HOOK1: variants seen among roughly 807,000 people sequenced by gnomAD.
The protein encoded by HOOK1 is protein Hook homolog 1.
A neutral mutation model predicts 112.8 loss-of-function variants in HOOK1; 60 were observed. The ratio of observed to expected loss-of-function variants is 0.53; its 90% confidence interval spans 0.43 to 0.66. The LOEUF (loss-of-function observed/expected upper bound fraction) is 0.66. Ranked by LOEUF, HOOK1 falls within the 30% of genes least tolerant of loss-of-function variation. The pLI, the probability that HOOK1 is intolerant of heterozygous loss-of-function variation, is 0.00. For synonymous variants in HOOK1, 294 were observed against 283.8 expected (o/e 1.04, Z -0.36); for missense variants, 770 against 856.0 (o/e 0.90, Z 1.25).
chr1:59,868,225 A>G, intron 19 of HOOK1, 25 bp from the exon 20 acceptor site: 3 of 1,183,732 alleles, frequency 2.5e-6, no homozygotes, highest in African/African-American at 1.5e-5. Context: ...TATAAAGTGA[A>G]CATAGTATTT....
chr1:59,830,956 A>AG (rs1162685072), intron 3 of HOOK1, among the ~76,000 whole-genome samples: 1 of 150,822 alleles, frequency 6.6e-6, no homozygotes, highest in East Asian at 2.0e-4. Flanking sequence ...CCTGGAGTGA[A>AG]GTGGTGCAAT....
intron 8 of HOOK1, among the ~76,000 whole-genome samples, chr1:59,841,482 G>A (rs980958620): frequency 1.3e-5 from 2 of 152,122 alleles, no homozygotes; most frequent in African/African-American, 4.8e-5. Context: ...CTAGAATTCA[G>A]GTCTTCTAAC....
At chr1:59,854,303 A>C (rs1295066558) in intron 12 of HOOK1, among the ~76,000 whole-genome samples, 1 of 149,674 alleles carries the variant, frequency 6.7e-6, no homozygotes, top group African/African-American at 2.5e-5. Flanking sequence ...ACCTGCCTCG[A>C]CCTCCCAAAG....
chr1:59,848,250 GC>G (rs1252364583), intron 10 of HOOK1, 64 bp from the exon 11 acceptor site: 2 of 1,102,520 alleles, frequency 1.8e-6, no homozygotes, highest in Non-Finnish European at 2.6e-6. Context: ...TCATTTTATA[GC>G]CAGAGTAAAA....
At chr1:59,834,776 C>T (rs941694491) in intron 5 of HOOK1, among the ~76,000 whole-genome samples, 8 of 151,722 alleles carry the variant, frequency 5.3e-5, no homozygotes, top group African/African-American at 9.7e-5. Flanking sequence ...TTGTAAGTTT[C>T]GTTAGTCTTT....
At chr1:59,823,279 C>T (rs1269201806) in intron 2 of HOOK1, among the ~76,000 whole-genome samples, 2 of 152,162 alleles carry the variant, frequency 1.3e-5, no homozygotes, top group African/African-American at 4.8e-5. Flanking sequence ...GAGATCCTGC[C>T]ACTGCACTCC....
At position 59,815,027 on chromosome 1, in the gene HOOK1, G is replaced by A; in HGVS notation, c.-91G>A. The A allele has an allele frequency of 1.5e-6, 2 of 1,327,500 alleles. No individual in the cohort carries two copies. 82.2% of individuals were successfully genotyped at this position (1,327,500 alleles called of 1,614,324 possible). ...GGGCCTGGTACCGAGCTTTCCTGGG[G>A]GCTAGCAGGTCGTGGACGCCGGCTC... On this transcript the variant is annotated 5_prime_UTR_variant, in exon 1 of 22. Transcript: ENST00000371208.
At position 59,815,141 on chromosome 1, in the gene HOOK1, G is replaced by A. The variant is rs1037111754; in HGVS notation, c.24G>A (p.Pro8=). The change falls in exon 1 of 22, where the codon CCG becomes CCA. Residue 8 remains proline, a synonymous_variant. Transcript: ENST00000371208. MEETQPP[P]QPKLPLCDSL... ...CCATGGAGGAGACGCAGCCGCCGCC[G>A]CAGCCTAAGCTGCCCCTGTGCGACA... 2 of 1,542,868 alleles carry A rather than the reference G, an allele frequency of 1.3e-6. No individual in the cohort carries two copies. Among genetic ancestry groups the A allele is most frequent in the Non-Finnish European group, 8.7e-7 (1 of 1,146,518 alleles).
chr1:59,861,445 G>A (rs11207526), intron 15 of HOOK1, among the ~76,000 whole-genome samples: 34,934 of 152,084 alleles, frequency 0.23, 5,220 homozygotes, highest in African/African-American at 0.43. Context: ...TAGGAAGACT[G>A]CAGATAATGA....
intron 21 of HOOK1, among the ~76,000 whole-genome samples, chr1:59,872,035 A>G (rs932713880): frequency 1.3e-5 from 2 of 152,216 alleles, no homozygotes; most frequent in African/African-American, 4.8e-5. Flanking sequence ...CTCTTGATAC[A>G]TAAATCAGTG....
chr1:59,860,049 C>T (rs1228481663), intron 14 of HOOK1, 139 bp from the exon 15 acceptor site: 10 of 508,558 alleles, frequency 2.0e-5, no homozygotes, highest in Non-Finnish European at 3.0e-5. Flanking sequence ...AGTTTCATAC[C>T]CTACCAGCTA....
chr1:59,845,403 T>G (rs1157185189), intron 9 of HOOK1, among the ~76,000 whole-genome samples: 1 of 151,988 alleles, frequency 6.6e-6, no homozygotes, highest in Non-Finnish European at 1.5e-5. Context: ...CTTGTATTTA[T>G]TTTCCTTGCC....
rs142481881 is a variant in HOOK1, at chr1:59,870,298, A to G, written c.1948-744A>G. 1.9e-3 allele frequency among the ~76,000 whole-genome samples: 285 copies of G among 152,360 alleles called. 1 individual carries two copies. Among genetic ancestry groups the G allele is most frequent in the African/African-American group, 6.4e-3 (268 of 41,586 alleles). ...GCACATGGGCATTTAATTTGTGCGT[A>G]TTCATCTAGACACACACTGCAAAAA... On this transcript the variant is annotated intron_variant, in intron 20 of 21. Coordinates refer to ENST00000371208, the MANE Select transcript of HOOK1 (RefSeq NM_015888.6).
At chr1:59,863,830 G>A (rs541105266) in intron 16 of HOOK1, 166 of 966,102 alleles carry the variant, frequency 1.7e-4, no homozygotes, top group Middle Eastern at 5.3e-4. Flanking sequence ...AATAGAAATC[G>A]TCTCATGCAT....
At chr1:59,821,828 A>G in intron 1 of HOOK1, 30 bp from the exon 2 acceptor site, 1 of 1,481,048 alleles carries the variant, frequency 6.8e-7, no homozygotes, top group Non-Finnish European at 9.2e-7. Flanking sequence ...ATAAAGAAGC[A>G]GTAAGATCAT....
Position 59,815,373 on chromosome 1 carries a change from T to C in HOOK1, c.63+193T>C, listed in dbSNP as rs77025030. 7 of 592,292 alleles carry C rather than the reference T, an allele frequency of 1.2e-5. No homozygotes were observed. The South Asian group carries it at 1.4e-4, about 12-fold the overall frequency. The allele number at this position is 592,292 out of a possible 1,614,324, so 36.7% of individuals were successfully genotyped here. A position where few individuals can be genotyped will look rare whatever the true frequency, so the allele number is the denominator to read the frequency against. On this transcript the variant is annotated intron_variant, in intron 1 of 21. Coordinates refer to ENST00000371208, the MANE Select transcript of HOOK1 (RefSeq NM_015888.6). ...GCAGGTGTGTGGGCGCGGGTTGGTGTCCGGGGGTGGGGGTAAAGGAAGCTC... is the reference window on the plus strand; with the variant it reads ...GCAGGTGTGTGGGCGCGGGTTGGTGCCCGGGGGTGGGGGTAAAGGAAGCTC...
At chr1:59,840,283 A>C in intron 7 of HOOK1, 25 bp from the exon 8 acceptor site, 1 of 1,498,302 alleles carries the variant, frequency 6.7e-7, no homozygotes, top group Non-Finnish European at 8.9e-7. Context: ...CGATTTACTA[A>C]GATTTAGGAC....
chr1:59,842,770 T>C (rs2098401655), intron 8 of HOOK1, among the ~76,000 whole-genome samples: 1 of 152,056 alleles, frequency 6.6e-6, no homozygotes, highest in Non-Finnish European at 1.5e-5. Flanking sequence ...TGTTTTTAAA[T>C]GGAAAAGAAG....
At chr1:59,833,215 G>A (rs893321581) in intron 4 of HOOK1, among the ~76,000 whole-genome samples, 190 bp from the exon 5 acceptor site, 1 of 152,052 alleles carries the variant, frequency 6.6e-6, no homozygotes, top group Non-Finnish European at 1.5e-5. Context: ...TAGTGCTTTT[G>A]GTTGGTTACT....
Sources: gnomAD v4.1 joint callset for allele counts (sites outside exome capture counted in the v4.1 genomes callset) on GRCh38, gnomAD v4.1.1 for gene constraint, MANE v1.5 for transcripts, NCBI Gene and HGNC (gene_info 2026-07-23, HGNC 2026-07-21) for gene names.